Variants in CLHC1 observed in about 807,000 individuals in gnomAD.
CLHC1 encodes the protein clathrin heavy chain linker domain-containing protein 1.
CLHC1 carries 72 observed loss-of-function variants against 69.5 expected under a neutral mutation model. The ratio of observed to expected loss-of-function variants is 1.04; its 90% CI spans 0.86 to 1.26. The LOEUF is 1.26. Among genes scored for constraint, CLHC1 ranks in the 50% most tolerant of loss-of-function variants. The pLI, the probability that CLHC1 is intolerant of heterozygous loss-of-function variation, is 0.00. For missense variants in CLHC1, 790 were observed against 679.3 expected, an observed-to-expected ratio of 1.16 and a Z score of -1.81; for synonymous variants, 223 against 224.3, an observed-to-expected ratio of 0.99 and a Z score of 0.05.
intron 8 of CLHC1, among the ~76,000 whole-genome samples, chr2:55,207,254 G>A (rs943883483): frequency 6.6e-6 from 1 of 152,152 alleles, no homozygotes; most frequent in African/African-American, 2.4e-5. Context: ...GATAACTTAA[G>A]CCTCTACTCC....
intron 9 of CLHC1, among the ~76,000 whole-genome samples, chr2:55,193,876 A>G (rs1671155136): frequency 6.6e-6 from 1 of 152,234 alleles, no homozygotes; most frequent in Non-Finnish European, 1.5e-5. Flanking sequence ...AAGCCCAATG[A>G]CCATCAACTG....
intron 9 of CLHC1, among the ~76,000 whole-genome samples, chr2:55,187,547 G>A (rs1188540493): frequency 6.6e-6 from 1 of 151,744 alleles, no homozygotes; most frequent in East Asian, 1.9e-4. Flanking sequence ...GGGAGGAGGA[G>A]GAGGTTGCAG....
chr2:55,229,090 G>A (rs984530779), intron 1 of CLHC1, among the ~76,000 whole-genome samples: 1 of 145,022 alleles, frequency 6.9e-6, no homozygotes, highest in African/African-American at 2.6e-5. Flanking sequence ...GGTGGAGGTT[G>A]CAGTGGGCTA....
At chr2:55,202,533 G>A (rs1455671826) in intron 9 of CLHC1, among the ~76,000 whole-genome samples, 2 of 151,098 alleles carry the variant, frequency 1.3e-5, no homozygotes, top group Admixed American at 6.6e-5. Flanking sequence ...TCCAGCCTGG[G>A]GGACAAGAGT....
At chr2:55,211,562 G>GATTATTCA (rs1673017006) in intron 5 of CLHC1, among the ~76,000 whole-genome samples, 1 of 147,726 alleles carries the variant, frequency 6.8e-6, no homozygotes, top group Admixed American at 6.7e-5. Flanking sequence ...AACACAAGAT[G>GATTATTCA]ATTATTCAAC....
At chr2:55,215,315 A>G (rs761204364) in intron 4 of CLHC1, among the ~76,000 whole-genome samples, 2 of 152,206 alleles carry the variant, frequency 1.3e-5, no homozygotes, top group Non-Finnish European at 2.9e-5. Flanking sequence ...TATTTCTTCA[A>G]ATATTGTCTT....
chr2:55,206,044 G>A (rs1426694338), intron 9 of CLHC1, among the ~76,000 whole-genome samples: 1 of 152,170 alleles, frequency 6.6e-6, no homozygotes, highest in African/African-American at 2.4e-5. Context: ...GTGAGTACAT[G>A]GGTGTTAATG....
intron 7 of CLHC1, 121 bp downstream of exon 7, chr2:55,209,283 C>T: frequency 1.6e-6 from 1 of 635,160 alleles, no homozygotes. Context: ...GCGTAACAGA[C>T]AACCAGCTGA....
intron 5 of CLHC1, among the ~76,000 whole-genome samples, chr2:55,212,149 C>T (rs188689558): frequency 6.6e-6 from 1 of 152,114 alleles, no homozygotes; most frequent in Non-Finnish European, 1.5e-5. Context: ...CAGTGGCACG[C>T]GCCTGTAATC....
intron 11 of CLHC1, among the ~76,000 whole-genome samples, chr2:55,179,844 T>C (rs765841865): frequency 1.3e-5 from 2 of 152,178 alleles, no homozygotes; most frequent in Admixed American, 1.3e-4. Flanking sequence ...CTGATGCTTA[T>C]ATTACAGTTC....
chr2:55,194,284 T>C (rs984133187), intron 9 of CLHC1, among the ~76,000 whole-genome samples: 12 of 152,058 alleles, frequency 7.9e-5, no homozygotes, highest in African/African-American at 2.4e-4. Flanking sequence ...ATTATACTAA[T>C]AGAAAAGAAC....
chr2:55,206,143 T>A, intron 9 of CLHC1, 127 bp downstream of exon 9: 1 of 601,282 alleles, frequency 1.7e-6, no homozygotes, highest in Non-Finnish European at 2.9e-6. Context: ...CTAAGCAAAC[T>A]GAGTAAATGG....
chr2:55,217,987 A>G lies in CLHC1; in HGVS notation c.189T>C (p.His63=), dbSNP rs980724606. Residue 63 remains histidine (H), a synonymous_variant, in exon 4 of 13, where the codon CAT becomes CAC. Coordinates refer to ENST00000401408, the MANE Select transcript of CLHC1 (RefSeq NM_152385.4). The part of the protein sequence containing the change: ...YRNVFDKVIE[H]ITAYKSILTS... ...TAAGAATGGATTTGTATGCAGTGATATGCTCTATTACCTGAAATATTATTT... is the reference window on the plus strand; with the variant it reads ...TAAGAATGGATTTGTATGCAGTGATGTGCTCTATTACCTGAAATATTATTT... The G allele has an allele frequency of 1.3e-6, 2 of 1,506,496 alleles. No individual in the cohort carries two copies. The highest frequency in any genetic ancestry group is 2.8e-5 in the African/African-American group (2 of 70,254). The allele number at this position is 1,506,496 out of a possible 1,614,324, so 93.3% of individuals were successfully genotyped here.
chr2:55,182,928 C>A (rs1344359739), intron 9 of CLHC1, among the ~76,000 whole-genome samples: 1 of 152,062 alleles, frequency 6.6e-6, no homozygotes. Context: ...ATAAAAGGCA[C>A]AATGGAAAGT....
intron 2 of CLHC1, among the ~76,000 whole-genome samples, 166 bp from the exon 3 acceptor site, chr2:55,222,659 C>A (rs1259130777): frequency 1.3e-5 from 2 of 152,112 alleles, no homozygotes; most frequent in African/African-American, 4.8e-5. Flanking sequence ...GTGGCTCATG[C>A]CTGTAATCCC....
intron 2 of CLHC1, among the ~76,000 whole-genome samples, chr2:55,222,918 CAAAAAAAA>C (rs59113625): frequency 1.3e-3 from 89 of 68,556 alleles, no homozygotes; most frequent in Non-Finnish European, 1.6e-3. Context: ...GAAACTGTCT[CAAAAAAAA>C]AAAAAAAAAA....
chr2:55,208,524 T>C (rs1422406936), intron 8 of CLHC1, 102 bp downstream of exon 8: 27 of 714,308 alleles, frequency 3.8e-5, no homozygotes, highest in Non-Finnish European at 4.6e-5. Flanking sequence ...AATCCTCTTA[T>C]CTCCTCTGAA....
At chr2:55,199,705 T>A (rs565177990) in intron 9 of CLHC1, among the ~76,000 whole-genome samples, 3 of 152,180 alleles carry the variant, frequency 2.0e-5, no homozygotes, top group African/African-American at 4.8e-5. Flanking sequence ...TATTTGCAAG[T>A]CTCATGATAA....
chr2:55,184,510 T>C (rs1227068717), intron 9 of CLHC1, among the ~76,000 whole-genome samples: 1 of 152,198 alleles, frequency 6.6e-6, no homozygotes, highest in African/African-American at 2.4e-5. Context: ...GAAACAAAGA[T>C]ATTGTGCCTC....
Sources: gnomAD v4.1 joint callset for allele counts (sites outside exome capture counted in the v4.1 genomes callset) on GRCh38, gnomAD v4.1.1 for gene constraint, MANE v1.5 for transcripts, NCBI Gene and HGNC (gene_info 2026-07-23, HGNC 2026-07-21) for gene names.